WDR49: variants seen among roughly 807,000 people sequenced by gnomAD.
WDR49 encodes the protein cilia- and flagella-associated protein 337.
A neutral mutation model predicts 119.5 loss-of-function variants in WDR49; 107 were observed. That is an observed-to-expected ratio of 0.90 (90% CI 0.77 to 1.05). WDR49 has a LOEUF of 1.05. Ranked by LOEUF, WDR49 falls within the 50% of genes least tolerant of loss-of-function variation. The probability of loss-of-function intolerance (pLI) is 0.00; values close to 1 mark genes in which losing one functional copy is unlikely to be tolerated. For synonymous variants in WDR49, 425 were observed against 418.8 expected (o/e 1.01, Z -0.18); for missense variants, 1,240 against 1,220.5 (o/e 1.02, Z -0.24).
chr3:167,603,004 C>T (rs967704281), intron 6 of WDR49, among the ~76,000 whole-genome samples: 1 of 152,104 alleles, frequency 6.6e-6, no homozygotes, highest in African/African-American at 2.4e-5. Flanking sequence ...CTATGATGCT[C>T]ACACAATGGA....
chr3:167,500,226 G>T lies in WDR49; in HGVS notation c.2958C>A (p.Asp986Glu). 1.2e-6 allele frequency: 2 copies of T among 1,604,890 alleles called. No homozygotes were observed. Among genetic ancestry groups the T allele is most frequent in the Non-Finnish European group, 1.7e-6 (2 of 1,177,404 alleles). ...GTTCTTTCCTAAAGTATTTCTCAGGGTCTAGAAGGAAAGCAGGTTTATTCA... is the reference window on the plus strand; with the variant it reads ...GTTCTTTCCTAAAGTATTTCTCAGGTTCTAGAAGGAAAGCAGGTTTATTCA... The part of the protein sequence containing the change: ...PEVNKPAFLL[D>E]PEKYFRKEPE... Residue 986 changes from aspartate to glutamate, a missense_variant, in exon 18 of 19, where the codon GAC becomes GAA. Physicochemically the swap from Asp to Glu is conservative, Grantham distance 45. Transcript: ENST00000682715.
Position 167,621,612 on chromosome 3 carries a change from C to A in WDR49, c.638G>T (p.Cys213Phe). 6.5e-7 allele frequency: 1 copy of A among 1,533,816 alleles called. No homozygotes were observed. Among genetic ancestry groups the A allele is most frequent in the Non-Finnish European group, 8.7e-7 (1 of 1,145,712 alleles). ...IAVAFTSKEV[C>F]FYDLLSKEEF... ...TTCTTTGGACAGCAGATCATAGAAACAAACCTCTTTACTTGTAAAAGCCAC... is the reference window on the plus strand; with the variant it reads ...TTCTTTGGACAGCAGATCATAGAAAAAAACCTCTTTACTTGTAAAAGCCAC... Residue 213 changes from cysteine to phenylalanine, a missense_variant, in exon 4 of 19, where the codon TGT (cysteine) becomes TTT (phenylalanine). By Grantham distance (205) the Cys-to-Phe change is radical. Coordinates refer to ENST00000682715, the MANE Select transcript of WDR49 (RefSeq NM_001366157.1).
At chr3:167,539,299 A>G (rs548271316) in intron 10 of WDR49, among the ~76,000 whole-genome samples, 7 of 152,224 alleles carry the variant, frequency 4.6e-5, no homozygotes, top group African/African-American at 1.4e-4. Flanking sequence ...TCCAACCCAA[A>G]CAATATTCTT....
At chr3:167,504,780 G>T (rs1463062015) in intron 17 of WDR49, among the ~76,000 whole-genome samples, 1 of 152,082 alleles carries the variant, frequency 6.6e-6, no homozygotes, top group African/African-American at 2.4e-5. Context: ...GTTGGAGACG[G>T]GGCCTGGTGA....
chr3:167,558,596 G>A (rs1713083144), intron 9 of WDR49, among the ~76,000 whole-genome samples: 1 of 152,154 alleles, frequency 6.6e-6, no homozygotes. Context: ...GACTTGAGGT[G>A]CACACATACT....
At chr3:167,494,224 A>T (rs1466619317) in intron 18 of WDR49, among the ~76,000 whole-genome samples, 3 of 152,192 alleles carry the variant, frequency 2.0e-5, no homozygotes, top group Non-Finnish European at 2.9e-5. Flanking sequence ...AGATATAAAC[A>T]AATAGTAGAA....
At chr3:167,653,547 CAAACCTTT>C in intron 1 of WDR49, 48 bp from the exon 2 acceptor site, 1 of 1,236,768 alleles carries the variant, frequency 8.1e-7, no homozygotes, top group Non-Finnish European at 1.1e-6. Context: ...AATGAAAGTA[CAAACCTTT>C]CAAGGCATAC....
At chr3:167,566,114 G>A (rs544195847) in intron 8 of WDR49, among the ~76,000 whole-genome samples, 21 of 152,282 alleles carry the variant, frequency 1.4e-4, no homozygotes, top group African/African-American at 4.3e-4. Context: ...CTGTGATGAT[G>A]AAAGAGGCTG....
At chr3:167,496,211 T>C (rs1044725335) in intron 18 of WDR49, among the ~76,000 whole-genome samples, 1 of 149,028 alleles carries the variant, frequency 6.7e-6, no homozygotes, top group Non-Finnish European at 1.5e-5. Context: ...TATAAAATTA[T>C]ATAATTCAGA....
intron 3 of WDR49, among the ~76,000 whole-genome samples, chr3:167,622,717 G>C (rs1022379402): frequency 3.3e-5 from 5 of 152,026 alleles, no homozygotes; most frequent in African/African-American, 1.2e-4. Flanking sequence ...AAGCCAACTA[G>C]ATCTAATGTA....
Position 167,581,294 on chromosome 3 carries a change from G to C in WDR49, c.1276-5143C>G, listed in dbSNP as rs150056258. 8.7e-4 allele frequency among the ~76,000 whole-genome samples: 132 copies of C among 152,056 alleles called. No homozygotes were observed. The Middle Eastern group carries it at 0.01, about 12-fold the overall frequency. On this transcript the variant is annotated intron_variant, in intron 7 of 18. Transcript: ENST00000682715. ...AATACTGTATTACTTATACACAATA[G>C]ACCTAGAAATCAATGGATTGAGACT...
intron 5 of WDR49, among the ~76,000 whole-genome samples, chr3:167,609,744 C>G (rs1716252051): frequency 6.6e-6 from 1 of 152,184 alleles, no homozygotes; most frequent in Non-Finnish European, 1.5e-5. Flanking sequence ...TCACCCTCCT[C>G]TAACCCCAGA....
At position 167,531,104 on chromosome 3, in the gene WDR49, A is replaced by G. The variant is rs1234235567; in HGVS notation, c.2218+11T>C. 6.2e-7 allele frequency: 1 copy of G among 1,601,812 alleles called. No homozygotes were observed. The highest frequency in any genetic ancestry group is 1.3e-5 in the African/African-American group (1 of 74,164). On this transcript the variant is annotated intron_variant, in intron 13 of 18. Transcript: ENST00000682715. ...TTCCAACTATATGTAAAATGTAAAT[A>G]TATATTTTACCTGTCACTGCAGTGT...
intron 16 of WDR49, among the ~76,000 whole-genome samples, chr3:167,512,363 G>A (rs1343037401): frequency 2.6e-5 from 4 of 152,092 alleles, no homozygotes; most frequent in Admixed American, 1.3e-4. Context: ...TGCAGAAGAG[G>A]AGCTCTACAG....
chr3:167,549,317 A>T (rs1214376013), intron 10 of WDR49, among the ~76,000 whole-genome samples: 1 of 152,140 alleles, frequency 6.6e-6, no homozygotes, highest in Non-Finnish European at 1.5e-5. Flanking sequence ...CAACAGTGTA[A>T]AAGTGTTCCT....
chr3:167,496,747 A>T (rs1226131942), intron 18 of WDR49, among the ~76,000 whole-genome samples: 1 of 152,330 alleles, frequency 6.6e-6, no homozygotes, highest in African/African-American at 2.4e-5. Flanking sequence ...AGGAAAAGCT[A>T]AATACAAAAA....
At chr3:167,559,150 C>G (rs923475557) in intron 9 of WDR49, among the ~76,000 whole-genome samples, 1 of 152,178 alleles carries the variant, frequency 6.6e-6, no homozygotes, top group Non-Finnish European at 1.5e-5. Flanking sequence ...CCTGTAATCT[C>G]CCTGAATACC....
At chr3:167,639,175 T>C (rs1173348223) in intron 2 of WDR49, among the ~76,000 whole-genome samples, 4 of 151,742 alleles carry the variant, frequency 2.6e-5, no homozygotes, top group African/African-American at 7.2e-5. Context: ...TTGATTTTCA[T>C]TTGGAAATCT....
chr3:167,624,805 GAACT>G (rs1212413400), intron 3 of WDR49, among the ~76,000 whole-genome samples: 2 of 152,140 alleles, frequency 1.3e-5, no homozygotes, highest in East Asian at 3.9e-4. Context: ...ATCTGGACTA[GAACT>G]ATCTTTTAAT....
Sources: gnomAD v4.1 joint callset for allele counts (sites outside exome capture counted in the v4.1 genomes callset) on GRCh38, gnomAD v4.1.1 for gene constraint, MANE v1.5 for transcripts, NCBI Gene and HGNC (gene_info 2026-07-23, HGNC 2026-07-21) for gene names.